The following ITPR1 variants were observed in gnomAD, a reference collection of about 807,000 sequenced individuals.
ITPR1 encodes inositol 1,4,5-trisphosphate-gated calcium channel ITPR1.
In ITPR1, 96 loss-of-function variants were observed where a neutral mutation model predicts 318.4. The ratio of observed to expected loss-of-function variants is 0.30; its 90% confidence interval spans 0.26 to 0.36. ITPR1 has a LOEUF of 0.36. Among genes scored for constraint, ITPR1 ranks in the 10% least tolerant of loss-of-function variants. The pLI is 1.00. For synonymous variants in ITPR1, 1,312 were observed against 1,289.9 expected (o/e 1.02, Z -0.37); for missense variants, 2,440 against 3,460.2 (o/e 0.71, Z 7.40).
At chr3:4,510,036 G>T (rs1028847310) in intron 2 of ITPR1, among the ~76,000 whole-genome samples, 6 of 152,202 alleles carry the variant, frequency 3.9e-5, no homozygotes. Flanking sequence ...CTGTATAGAA[G>T]AGTATGTTGG....
chr3:4,811,162 T>A lies in ITPR1; in HGVS notation c.7273-103T>A, dbSNP rs1575340397. ...TAAGATCATATGTAGTGCTTTTGAG[T>A]GTCTAAGAGGGCAAACTCTCTATAA... is the stretch of plus-strand genomic sequence containing the variant. On this transcript the variant is annotated intron_variant, in intron 55 of 61. Transcript: ENST00000649015. The A allele has an allele frequency of 6.0e-6, 4 of 665,248 alleles. No individual in the cohort carries two copies. The East Asian group carries it at 1.1e-4, about 19-fold the overall frequency. 41.2% of individuals were successfully genotyped at this position (665,248 alleles called of 1,614,324 possible).
At chr3:4,635,517 T>G (rs1040778459) in intron 5 of ITPR1, among the ~76,000 whole-genome samples, 1 of 143,600 alleles carries the variant, frequency 7.0e-6, no homozygotes, top group Non-Finnish European at 1.5e-5. Context: ...ATTTTTTGTA[T>G]TTTTTTTTTA....
chr3:4,534,131 G>C (rs964658310), intron 4 of ITPR1, among the ~76,000 whole-genome samples: 6 of 152,186 alleles, frequency 3.9e-5, no homozygotes, highest in African/African-American at 1.4e-4. Flanking sequence ...TCTTTTAATA[G>C]ATTTAGGGGA....
intron 4 of ITPR1, among the ~76,000 whole-genome samples, chr3:4,553,319 A>AT (rs1284178288): frequency 5.3e-5 from 8 of 152,062 alleles, no homozygotes; most frequent in Non-Finnish European, 1.2e-4. Flanking sequence ...TCCAGCTATG[A>AT]TTTTTTTGAC....
At chr3:4,586,086 A>G (rs557147790) in intron 4 of ITPR1, among the ~76,000 whole-genome samples, 16 of 152,318 alleles carry the variant, frequency 1.1e-4, no homozygotes, top group African/African-American at 3.9e-4. Context: ...ATATCCCTAC[A>G]AAGGACATGA....
intron 4 of ITPR1, among the ~76,000 whole-genome samples, chr3:4,621,501 A>G (rs376270353): frequency 3.9e-5 from 6 of 152,242 alleles, no homozygotes; most frequent in East Asian, 1.9e-4. Context: ...ACAATTCAAC[A>G]CGAGATTTGG....
intron 23 of ITPR1, among the ~76,000 whole-genome samples, chr3:4,675,665 G>A (rs1240306358): frequency 1.3e-5 from 2 of 152,048 alleles, no homozygotes; most frequent in Non-Finnish European, 2.9e-5. Context: ...TGTTTAGGAT[G>A]TAAGAAAATC....
At chr3:4,723,458 ATT>A (rs1358255358) in intron 40 of ITPR1, among the ~76,000 whole-genome samples, 1 of 152,172 alleles carries the variant, frequency 6.6e-6, no homozygotes, top group African/African-American at 2.4e-5. Context: ...TTTAAATTTA[ATT>A]TTTGTTTTAA....
Position 4,768,802 on chromosome 3 carries a change from G to A in ITPR1, c.5979+38G>A, listed in dbSNP as rs781202151. ...GGGTGGGGGCGTGGAGGGAGCTCGG[G>A]AAAGGCTGCCAAGGCCTGCCTTCCT... On this transcript the variant is annotated intron_variant, in intron 46 of 61. Transcript: ENST00000649015. 7 of 1,579,564 alleles carry A rather than the reference G, an allele frequency of 4.4e-6. No homozygotes were observed. The East Asian group carries it at 6.8e-5, about 15-fold the overall frequency.
intron 60 of ITPR1, among the ~76,000 whole-genome samples, chr3:4,819,826 A>G (rs1455884742): frequency 1.3e-5 from 2 of 152,170 alleles, no homozygotes; most frequent in East Asian, 3.8e-4. Flanking sequence ...AAAAATCAGC[A>G]CAGACTGGGG....
At chr3:4,648,044 C>G (rs187498007) in intron 10 of ITPR1, among the ~76,000 whole-genome samples, 2 of 152,018 alleles carry the variant, frequency 1.3e-5, no homozygotes, top group African/African-American at 4.8e-5. Flanking sequence ...CCCAGCTACT[C>G]GGGAGGCTGA....
chr3:4,827,666 T>A (rs2050165638), intron 60 of ITPR1, among the ~76,000 whole-genome samples: 1 of 152,130 alleles, frequency 6.6e-6, no homozygotes, highest in Admixed American at 6.5e-5. Flanking sequence ...GTGCCCTTTG[T>A]AGGGTCTAAG....
At chr3:4,609,618 TC>T (rs2091955113) in intron 4 of ITPR1, among the ~76,000 whole-genome samples, 1 of 151,484 alleles carries the variant, frequency 6.6e-6, no homozygotes, top group Non-Finnish European at 1.5e-5. Context: ...GGGGAAGGAC[TC>T]TGGTGCTCAG....
intron 4 of ITPR1, among the ~76,000 whole-genome samples, chr3:4,560,140 T>C (rs1056017945): frequency 9.2e-5 from 14 of 152,226 alleles, no homozygotes; most frequent in Non-Finnish European, 7.3e-5. Context: ...GGCACGTCCA[T>C]GAATTAAAAA....
intron 12 of ITPR1, among the ~76,000 whole-genome samples, chr3:4,657,527 G>A (rs1446709101): frequency 6.6e-6 from 1 of 151,274 alleles, no homozygotes; most frequent in East Asian, 1.9e-4. Flanking sequence ...AAATGCGGTG[G>A]CGCGATCTCA....
chr3:4,828,178 A>C (rs2050206104), intron 60 of ITPR1, among the ~76,000 whole-genome samples: 1 of 152,180 alleles, frequency 6.6e-6, no homozygotes, highest in South Asian at 2.1e-4. Flanking sequence ...GAACTTTGGA[A>C]AGATGTTTCC....
intron 4 of ITPR1, among the ~76,000 whole-genome samples, chr3:4,526,310 T>TA (rs1198833780): frequency 6.6e-6 from 1 of 152,202 alleles, no homozygotes; most frequent in Non-Finnish European, 1.5e-5. Flanking sequence ...CACTAAGTGG[T>TA]TCATATGAAT....
intron 46 of ITPR1, 110 bp from the exon 47 acceptor site, chr3:4,775,132 C>G (rs1356143974): frequency 2.1e-5 from 17 of 813,854 alleles, no homozygotes; most frequent in African/African-American, 3.4e-5. Flanking sequence ...CACGTGGCAT[C>G]TCTCTGTATA....
At chr3:4,608,373 C>A (rs1448411154) in intron 4 of ITPR1, among the ~76,000 whole-genome samples, 1 of 152,108 alleles carries the variant, frequency 6.6e-6, no homozygotes, top group East Asian at 1.9e-4. Flanking sequence ...CCAAGAAGTA[C>A]AGCAAAGAAG....
Sources: allele counts gnomAD v4.1 joint callset (sites outside exome capture counted in the v4.1 genomes callset), GRCh38; gene constraint gnomAD v4.1.1; transcripts MANE v1.5; gene names NCBI Gene and HGNC (gene_info 2026-07-23, HGNC 2026-07-21).